The following FCHO2 variants were observed in gnomAD, a reference collection of about 807,000 sequenced individuals.
FCHO2 encodes the protein FCH and mu domain containing endocytic adaptor 2, also known as F-BAR domain only protein 2.
A neutral mutation model predicts 114.1 loss-of-function variants in FCHO2; 43 were observed. The ratio of observed to expected loss-of-function variants is 0.38; its 90% confidence interval spans 0.30 to 0.49. The LOEUF (loss-of-function observed/expected upper bound fraction) is 0.49. Among genes scored for constraint, FCHO2 ranks in the 20% least tolerant of loss-of-function variants. The probability of loss-of-function intolerance (pLI) is 0.97; values close to 1 mark genes in which losing one functional copy is unlikely to be tolerated. For synonymous variants in FCHO2, 293 were observed against 315.2 expected (o/e 0.93, Z 0.75); for missense variants, 807 against 950.4 (o/e 0.85, Z 1.98).
At chr5:73,069,842 T>C (rs1004870185) in intron 19 of FCHO2, among the ~76,000 whole-genome samples, 9 of 152,126 alleles carry the variant, frequency 5.9e-5, no homozygotes, top group Non-Finnish European at 1.2e-4. Context: ...AAATTCTTAC[T>C]ACCTTTTTCA....
At position 73,053,555 on chromosome 5, in the gene FCHO2, C is replaced by T. The variant is rs935599074; in HGVS notation, c.1174-605C>T. ...GAAAAAATACAAAAAATTAGCCGGT[C>T]GTGGTGGCATGCGCCTTTGGTCCTA... On this transcript the variant is annotated intron_variant, in intron 13 of 25. Coordinates refer to ENST00000430046, the MANE Select transcript of FCHO2 (RefSeq NM_138782.3). 4.6e-5 allele frequency among the ~76,000 whole-genome samples: 7 copies of T among 152,116 alleles called. No homozygotes were observed. In the East Asian group the frequency reaches 1.4e-3, roughly 29 times the overall value.
intron 17 of FCHO2, among the ~76,000 whole-genome samples, chr5:73,062,640 T>C (rs1414515473): frequency 6.6e-6 from 1 of 152,046 alleles, no homozygotes; most frequent in Non-Finnish European, 1.5e-5. Context: ...TTTTTTGTTT[T>C]CCTTAAGCAA....
At chr5:73,012,094 G>T (rs1755047051) in intron 6 of FCHO2, among the ~76,000 whole-genome samples, 2 of 152,156 alleles carry the variant, frequency 1.3e-5, no homozygotes, top group Non-Finnish European at 2.9e-5. Context: ...CAAGTATTAT[G>T]TGCTGTATAT....
intron 17 of FCHO2, among the ~76,000 whole-genome samples, chr5:73,061,786 T>TTAGG (rs1267524041): frequency 6.6e-6 from 1 of 152,132 alleles, no homozygotes; most frequent in Non-Finnish European, 1.5e-5. Context: ...GAAAATACTT[T>TTAGG]TAGGTTTCCT....
At chr5:73,045,248 A>G (rs1391085611) in intron 11 of FCHO2, among the ~76,000 whole-genome samples, 1 of 152,198 alleles carries the variant, frequency 6.6e-6, no homozygotes, top group African/African-American at 2.4e-5. Flanking sequence ...GCCCTTTTAC[A>G]GCCACTTTTC....
chr5:73,033,281 CTTGT>C (rs1756328423), intron 8 of FCHO2, among the ~76,000 whole-genome samples: 1 of 151,974 alleles, frequency 6.6e-6, no homozygotes, highest in Non-Finnish European at 1.5e-5. Flanking sequence ...TGATTAGGAC[CTTGT>C]TTATCAACTC....
intron 24 of FCHO2, among the ~76,000 whole-genome samples, chr5:73,084,739 C>A (rs1743238215): frequency 6.6e-6 from 1 of 152,172 alleles, no homozygotes; most frequent in Non-Finnish European, 1.5e-5. Flanking sequence ...TTACACCTGC[C>A]ATGCAGAATA....
At chr5:73,079,796 A>T (rs1385587801) in intron 22 of FCHO2, among the ~76,000 whole-genome samples, 1 of 152,238 alleles carries the variant, frequency 6.6e-6, no homozygotes, top group Non-Finnish European at 1.5e-5. Flanking sequence ...TGTGGGTCCC[A>T]CAGGGCCAAC....
At chr5:73,006,980 T>C (rs1422724748) in intron 6 of FCHO2, among the ~76,000 whole-genome samples, 1 of 152,162 alleles carries the variant, frequency 6.6e-6, no homozygotes, top group Non-Finnish European at 1.5e-5. Flanking sequence ...ATAAATTATA[T>C]TTGGTGTAGT....
chr5:73,089,769 C>T lies in FCHO2; in HGVS notation c.*1679C>T, dbSNP rs1177737558. 2.0e-5 allele frequency: 3 copies of T among 152,414 alleles called. No homozygotes were observed. The highest frequency in any genetic ancestry group is 2.9e-5 in the Non-Finnish European group (2 of 67,920). The allele number at this position is 152,414 out of a possible 1,614,324, so 9.4% of individuals were successfully genotyped here. A position where few individuals can be genotyped will look rare whatever the true frequency, so the allele number is the denominator to read the frequency against. On this transcript the variant is annotated 3_prime_UTR_variant, in exon 26 of 26. Coordinates refer to ENST00000430046, the MANE Select transcript of FCHO2 (RefSeq NM_138782.3). ...GACATTTATGTAACATCTTGCTGTA[C>T]TAAATACAGCAGAAAATCTACTCTT...
chr5:72,972,995 G>A (rs1394197490), intron 2 of FCHO2, among the ~76,000 whole-genome samples: 1 of 152,166 alleles, frequency 6.6e-6, no homozygotes, highest in Non-Finnish European at 1.5e-5. Flanking sequence ...TTTATATGCT[G>A]GATTACATTT....
intron 2 of FCHO2, among the ~76,000 whole-genome samples, chr5:72,982,766 A>T (rs1032855007): frequency 4.1e-5 from 6 of 147,864 alleles, no homozygotes; most frequent in African/African-American, 1.5e-4. Context: ...TTTTACATTT[A>T]GGTCTGTAAT....
At chr5:73,054,619 C>A (rs933409062) in intron 15 of FCHO2, 70 bp downstream of exon 15, 133 of 1,123,668 alleles carry the variant, frequency 1.2e-4, no homozygotes, top group Non-Finnish European at 1.6e-4. Context: ...TAGTCTTTTA[C>A]CTTTAGCTGT....
chr5:73,051,455 T>C lies in FCHO2; in HGVS notation c.997+49T>C, dbSNP rs1158760807. 7 of 1,215,778 alleles carry C rather than the reference T, an allele frequency of 5.8e-6. No homozygotes were observed. In the East Asian group the frequency reaches 1.9e-4, roughly 32 times the overall value. 75.3% of individuals were successfully genotyped at this position (1,215,778 alleles called of 1,614,324 possible). On this transcript the variant is annotated intron_variant, in intron 12 of 25. Transcript: ENST00000430046. ...CTTAAGGATTATGTTGGCATATAAG[T>C]AGGCAGTTATAAGAAAATCATGTAT...
intron 10 of FCHO2, 107 bp from the exon 11 acceptor site, chr5:73,041,184 A>G (rs1474321787): frequency 4.4e-6 from 3 of 675,826 alleles, no homozygotes; most frequent in Non-Finnish European, 7.6e-6. Context: ...TATTTTTTGT[A>G]GAGTTTAAAT....
chr5:72,986,282 C>T (rs986205453), intron 2 of FCHO2, among the ~76,000 whole-genome samples: 7 of 151,880 alleles, frequency 4.6e-5, no homozygotes, highest in African/African-American at 1.7e-4. Flanking sequence ...CTTTCCTCCA[C>T]TTCTTAAAAT....
chr5:73,028,369 C>A lies in FCHO2; in HGVS notation c.797-6288C>A, dbSNP rs2112779181. Among the ~76,000 whole-genome samples, 3 of 152,240 alleles carry A rather than the reference C, an allele frequency of 2.0e-5. No individual in the cohort carries two copies. The South Asian group carries it at 6.2e-4, about 32-fold the overall frequency. On this transcript the variant is annotated intron_variant, in intron 8 of 25. Coordinates refer to ENST00000430046, the MANE Select transcript of FCHO2 (RefSeq NM_138782.3). The stretch of plus-strand genomic sequence containing the variant: ...ACCATATGATCCAGTTGTTCTACCC[C>A]TAGGCATTTACCCAAGAGAAAAGGA...
Position 73,089,993 on chromosome 5 carries a change from T to G in FCHO2, c.*1903T>G, listed in dbSNP as rs1198266454. 6.6e-6 allele frequency: 1 copy of G among 152,602 alleles called. No individual in the cohort carries two copies. Among genetic ancestry groups the G allele is most frequent in the Admixed American group, 6.5e-5 (1 of 15,286 alleles). 9.5% of individuals were successfully genotyped at this position (152,602 alleles called of 1,614,324 possible). ...TACAGTCCCTTACTGGAATTCTAACTGTAATTTGCTTTGCAATCAAACTGC... is the reference window on the plus strand; with the variant it reads ...TACAGTCCCTTACTGGAATTCTAACGGTAATTTGCTTTGCAATCAAACTGC... On this transcript the variant is annotated 3_prime_UTR_variant, in exon 26 of 26. Transcript: ENST00000430046.
intron 19 of FCHO2, among the ~76,000 whole-genome samples, chr5:73,069,971 G>A (rs1393034891): frequency 3.3e-5 from 5 of 152,112 alleles, no homozygotes; most frequent in Non-Finnish European, 5.9e-5. Context: ...GTAGTGATGG[G>A]TTTATTCTTG....
Sources: gnomAD v4.1 joint callset for allele counts (sites outside exome capture counted in the v4.1 genomes callset) on GRCh38, gnomAD v4.1.1 for gene constraint, MANE v1.5 for transcripts, NCBI Gene and HGNC (gene_info 2026-07-23, HGNC 2026-07-21) for gene names.